The following SIPA1L2 variants were observed in gnomAD, a reference collection of about 807,000 sequenced individuals.
The protein encoded by SIPA1L2 is signal-induced proliferation-associated 1-like protein 2.
Under a neutral mutation model 163.9 loss-of-function variants are expected in SIPA1L2, and 56 were observed. The ratio of observed to expected loss-of-function variants is 0.34; its 90% CI spans 0.28 to 0.43. The LOEUF is 0.43. Ranked by LOEUF, SIPA1L2 falls within the 20% of genes least tolerant of loss-of-function variation. The probability of loss-of-function intolerance (pLI) is 1.00; values close to 1 mark genes in which losing one functional copy is unlikely to be tolerated. For missense variants in SIPA1L2, 1,974 were observed against 2,193.5 expected (o/e 0.90, Z 2.00); for synonymous variants, 877 against 865.7 (o/e 1.01, Z -0.23).
At chr1:232,436,182 C>T (rs1050054120) in intron 15 of SIPA1L2, among the ~76,000 whole-genome samples, 1 of 152,120 alleles carries the variant, frequency 6.6e-6, no homozygotes, top group Non-Finnish European at 1.5e-5. Flanking sequence ...TTTCCTAGTT[C>T]CTTTCTTTAT....
At chr1:232,430,794 C>A (rs1409772147) in intron 16 of SIPA1L2, among the ~76,000 whole-genome samples, 3 of 152,202 alleles carry the variant, frequency 2.0e-5, no homozygotes, top group Non-Finnish European at 4.4e-5. Flanking sequence ...AGAAGAACTT[C>A]TACAGCCTCT....
At chr1:232,576,691 C>G (rs1660097396) in intron 1 of SIPA1L2, among the ~76,000 whole-genome samples, 1 of 152,214 alleles carries the variant, frequency 6.6e-6, no homozygotes, top group Non-Finnish European at 1.5e-5. Context: ...TTGCGCCAAA[C>G]AGCCAAGTCG....
At chr1:232,594,516 C>T (rs1388705270) in intron 1 of SIPA1L2, among the ~76,000 whole-genome samples, 1 of 152,132 alleles carries the variant, frequency 6.6e-6, no homozygotes. Context: ...TCTGGAGTAG[C>T]TATGGCCAGA....
At chr1:232,456,866 A>T (rs1013338833) in intron 10 of SIPA1L2, among the ~76,000 whole-genome samples, 1 of 152,002 alleles carries the variant, frequency 6.6e-6, no homozygotes, top group South Asian at 2.1e-4. Flanking sequence ...ACTATTCCCA[A>T]ACTGCTTCTT....
At chr1:232,438,569 C>T (rs6670130) in intron 15 of SIPA1L2, among the ~76,000 whole-genome samples, 24,638 of 152,150 alleles carry the variant, frequency 0.16, 2,242 homozygotes, top group Non-Finnish European at 0.21. Context: ...AGTTCCTTTA[C>T]ACTTAGCTAG....
At chr1:232,445,068 T>G (rs1433140096) in intron 11 of SIPA1L2, among the ~76,000 whole-genome samples, 2 of 152,186 alleles carry the variant, frequency 1.3e-5, no homozygotes, top group Non-Finnish European at 2.9e-5. Flanking sequence ...TAAACTCAAC[T>G]CACTTTGCTT....
chr1:232,430,811 C>G (rs1180526851), intron 16 of SIPA1L2, among the ~76,000 whole-genome samples: 1 of 152,188 alleles, frequency 6.6e-6, no homozygotes, highest in African/African-American at 2.4e-5. Context: ...CTCTCCCCTC[C>G]CAGGTATACC....
intron 10 of SIPA1L2, among the ~76,000 whole-genome samples, chr1:232,457,904 A>G (rs146234584): frequency 6.6e-6 from 1 of 152,334 alleles, no homozygotes; most frequent in African/African-American, 2.4e-5. Flanking sequence ...TACTTTTATC[A>G]GGGCACCCAG....
intron 18 of SIPA1L2, among the ~76,000 whole-genome samples, chr1:232,423,103 G>A (rs1661670654): frequency 6.6e-6 from 1 of 152,164 alleles, no homozygotes; most frequent in Non-Finnish European, 1.5e-5. Context: ...AGCCACGCAC[G>A]AGATTCCATG....
Position 232,415,670 on chromosome 1 carries a change from G to C in SIPA1L2, c.4631-45C>G, listed in dbSNP as rs12569188. On this transcript the variant is annotated intron_variant, in intron 18 of 22. Transcript: ENST00000674635. The stretch of plus-strand genomic sequence containing the variant: ...GAGAGTCAGTCATCAGTCACAGCAC[G>C]GGCACCAGCCCAGAGTGAGTCAGAA... 1.9e-6 allele frequency: 3 copies of C among 1,606,764 alleles called. No homozygotes were observed. The African/African-American group carries it at 4.0e-5, about 22-fold the overall frequency.
At chr1:232,411,818 A>T (rs1420992135) in intron 19 of SIPA1L2, among the ~76,000 whole-genome samples, 1 of 152,186 alleles carries the variant, frequency 6.6e-6, no homozygotes, top group Non-Finnish European at 1.5e-5. Flanking sequence ...TGTCATATTC[A>T]TTAATTCTTC....
intron 1 of SIPA1L2, among the ~76,000 whole-genome samples, chr1:232,624,392 C>A (rs1009534132): frequency 1.3e-5 from 2 of 152,226 alleles, no homozygotes; most frequent in African/African-American, 4.8e-5. Flanking sequence ...CACTGTTCAA[C>A]AAGGAACCAA....
At chr1:232,600,262 G>A (rs982829871) in intron 1 of SIPA1L2, among the ~76,000 whole-genome samples, 3 of 152,156 alleles carry the variant, frequency 2.0e-5, no homozygotes, top group Non-Finnish European at 2.9e-5. Context: ...TCATTTCTCT[G>A]CTGTGCTATA....
intron 1 of SIPA1L2, among the ~76,000 whole-genome samples, chr1:232,600,456 C>A (rs563443510): frequency 6.6e-6 from 1 of 152,238 alleles, no homozygotes; most frequent in South Asian, 2.1e-4. Context: ...GTGGACAAAG[C>A]CTTACCCGCT....
intron 1 of SIPA1L2, among the ~76,000 whole-genome samples, chr1:232,593,719 ACACACG>A (rs1201672153): frequency 6.6e-6 from 1 of 152,142 alleles, no homozygotes; most frequent in Non-Finnish European, 1.5e-5. Flanking sequence ...TCTCAGTAAC[ACACACG>A]CACACACAAA....
chr1:232,624,208 G>C (rs550108192), intron 1 of SIPA1L2, among the ~76,000 whole-genome samples: 3 of 152,276 alleles, frequency 2.0e-5, no homozygotes, highest in African/African-American at 7.2e-5. Flanking sequence ...TGAGAACCTT[G>C]AGAACCTGCT....
chr1:232,414,507 T>C (rs570104974), intron 19 of SIPA1L2, among the ~76,000 whole-genome samples: 1 of 152,172 alleles, frequency 6.6e-6, no homozygotes, highest in South Asian at 2.1e-4. Context: ...TAGCAGAGAC[T>C]GAGAAGGGAA....
At chr1:232,545,441 T>C (rs1484679926) in intron 2 of SIPA1L2, among the ~76,000 whole-genome samples, 1 of 152,238 alleles carries the variant, frequency 6.6e-6, no homozygotes, top group Non-Finnish European at 1.5e-5. Context: ...TGGTTTGTTT[T>C]TAATTATGAA....
chr1:232,403,675 C>T, intron 20 of SIPA1L2, 104 bp from the exon 21 acceptor site: 2 of 1,407,004 alleles, frequency 1.4e-6, no homozygotes, highest in Non-Finnish European at 1.9e-6. Flanking sequence ...TTCCCCCCTT[C>T]AAACCAGTTA....
Sources: allele counts gnomAD v4.1 joint callset (sites outside exome capture counted in the v4.1 genomes callset), GRCh38; gene constraint gnomAD v4.1.1; transcripts MANE v1.5; gene names NCBI Gene and HGNC (gene_info 2026-07-23, HGNC 2026-07-21).